Variants in THSD4 observed in about 807,000 individuals in gnomAD.
THSD4 encodes the protein thrombospondin type-1 domain-containing protein 4.
In THSD4, 69 loss-of-function variants were observed where a neutral mutation model predicts 119.0. That is an observed-to-expected ratio of 0.58 (90% CI 0.48 to 0.71). The LOEUF (loss-of-function observed/expected upper bound fraction) is 0.71, where lower values mean the gene tolerates loss of function less well. Among genes scored for constraint, THSD4 ranks in the 30% least tolerant of loss-of-function variants. The pLI is 0.00. For synonymous variants in THSD4, 524 were observed against 540.4 expected, an observed-to-expected ratio of 0.97 and a Z score of 0.42; for missense variants, 1,393 against 1,391.1, an observed-to-expected ratio of 1.00 and a Z score of -0.02.
At chr15:71,677,316 T>C (rs376150543) in intron 8 of THSD4, among the ~76,000 whole-genome samples, 5 of 152,216 alleles carry the variant, frequency 3.3e-5, no homozygotes, top group Non-Finnish European at 7.3e-5. Context: ...AAAGTGATCA[T>C]TGAGTATTTG....
chr15:71,529,202 C>T (rs1452457000), intron 7 of THSD4, among the ~76,000 whole-genome samples: 1 of 152,206 alleles, frequency 6.6e-6, no homozygotes, highest in Non-Finnish European at 1.5e-5. Flanking sequence ...GAGCTTTACC[C>T]TCCCTGCCCA....
intron 8 of THSD4, among the ~76,000 whole-genome samples, chr15:71,714,250 A>G (rs1214373649): frequency 1.3e-5 from 2 of 152,052 alleles, no homozygotes; most frequent in Non-Finnish European, 2.9e-5. Flanking sequence ...GAGGGCAAAG[A>G]TGTGCGGTGG....
intron 7 of THSD4, among the ~76,000 whole-genome samples, chr15:71,438,096 C>T (rs1362546849): frequency 2.6e-5 from 4 of 152,176 alleles, no homozygotes; most frequent in East Asian, 1.9e-4. Context: ...ACCTCCCCTA[C>T]CCACCCTGGT....
chr15:71,427,954 G>T (rs1033358465), intron 7 of THSD4, among the ~76,000 whole-genome samples: 4 of 152,182 alleles, frequency 2.6e-5, no homozygotes, highest in African/African-American at 9.7e-5. Context: ...CCAAGAGACA[G>T]AAGAGAGGTT....
At chr15:71,587,425 A>G (rs1433285989) in intron 7 of THSD4, among the ~76,000 whole-genome samples, 1 of 116,188 alleles carries the variant, frequency 8.6e-6, no homozygotes, top group Non-Finnish European at 1.9e-5. Flanking sequence ...CATATACACC[A>G]TGGAATACTA....
At chr15:71,280,596 TTCCC>T (rs921117414) in intron 6 of THSD4, among the ~76,000 whole-genome samples, 1 of 150,986 alleles carries the variant, frequency 6.6e-6, no homozygotes, top group South Asian at 2.1e-4. Flanking sequence ...CTTTTCCTCA[TTCCC>T]TCCCTCCCTC....
At chr15:71,672,280 C>T (rs2051547701) in intron 8 of THSD4, among the ~76,000 whole-genome samples, 1 of 152,152 alleles carries the variant, frequency 6.6e-6, no homozygotes, top group Non-Finnish European at 1.5e-5. Flanking sequence ...TGATTTGGCT[C>T]TCTGTTTGTC....
intron 7 of THSD4, among the ~76,000 whole-genome samples, chr15:71,629,699 C>A (rs1163403516): frequency 3.3e-5 from 5 of 152,176 alleles, no homozygotes; most frequent in African/African-American, 1.2e-4. Flanking sequence ...ACATCCCATA[C>A]CTACATTGTT....
intron 7 of THSD4, among the ~76,000 whole-genome samples, chr15:71,606,232 T>A (rs551641618): frequency 6.6e-6 from 1 of 152,368 alleles, no homozygotes; most frequent in East Asian, 1.9e-4. Context: ...TCTTCTTGGT[T>A]CTTGCGAAGA....
At chr15:71,713,521 ATGCTCG>A (rs2052553584) in intron 8 of THSD4, among the ~76,000 whole-genome samples, 1 of 152,196 alleles carries the variant, frequency 6.6e-6, no homozygotes, top group Non-Finnish European at 1.5e-5. Context: ...TATTGATGTC[ATGCTCG>A]AATGTCTTCC....
intron 1 of THSD4, among the ~76,000 whole-genome samples, chr15:71,137,203 G>A (rs764822934): frequency 1.3e-5 from 2 of 152,130 alleles, no homozygotes; most frequent in Admixed American, 6.5e-5. Flanking sequence ...ACAGAGCTCC[G>A]CAGACAGCAC....
At chr15:71,380,140 G>A (rs548038876) in intron 6 of THSD4, among the ~76,000 whole-genome samples, 1 of 152,126 alleles carries the variant, frequency 6.6e-6, no homozygotes, top group African/African-American at 2.4e-5. Context: ...TACGTACTAA[G>A]TTGGTTGCAG....
intron 7 of THSD4, among the ~76,000 whole-genome samples, chr15:71,506,599 G>A (rs1203598741): frequency 4.6e-5 from 7 of 152,208 alleles, no homozygotes; most frequent in Non-Finnish European, 8.8e-5. Flanking sequence ...TCAACACAAG[G>A]TTATAGAAAT....
At chr15:71,354,397 A>C (rs1435098846) in intron 6 of THSD4, among the ~76,000 whole-genome samples, 1 of 152,240 alleles carries the variant, frequency 6.6e-6, no homozygotes, top group African/African-American at 2.4e-5. Flanking sequence ...GTTAAGCAGC[A>C]GGGATCACAG....
intron 6 of THSD4, among the ~76,000 whole-genome samples, chr15:71,285,556 T>C (rs963613711): frequency 9.9e-5 from 15 of 152,138 alleles, no homozygotes; most frequent in African/African-American, 3.4e-4. Flanking sequence ...CCCCAACTTT[T>C]CTCTTTTATT....
At chr15:71,598,198 A>G (rs1354785380) in intron 7 of THSD4, among the ~76,000 whole-genome samples, 1 of 152,174 alleles carries the variant, frequency 6.6e-6, no homozygotes, top group African/African-American at 2.4e-5. Context: ...ACTGCTAAGA[A>G]TTGGTCAGGA....
At chr15:71,429,278 T>C (rs2046912817) in intron 7 of THSD4, among the ~76,000 whole-genome samples, 1 of 152,208 alleles carries the variant, frequency 6.6e-6, no homozygotes, top group Non-Finnish European at 1.5e-5. Context: ...AATTTGAGGA[T>C]AGTAAACGAT....
At position 71,781,844 on chromosome 15, in the gene THSD4, T is replaced by A. The variant is rs2054002931; in HGVS notation, c.*4470T>A. The A allele has an allele frequency of 3.3e-5, 5 of 152,314 alleles. No individual in the cohort carries two copies. In the South Asian group the frequency reaches 1.0e-3, roughly 32 times the overall value. The allele number at this position is 152,314 out of a possible 1,614,324, so 9.4% of individuals were successfully genotyped here. A position where few individuals can be genotyped will look rare whatever the true frequency, so the allele number is the denominator to read the frequency against. Reference sequence around the variant, plus strand: ...GCTCAGGGCCGTCTCCACTCAGGGCTTAGGGGAGTCTGTGAGTAGAAGAGC... The same window carrying A: ...GCTCAGGGCCGTCTCCACTCAGGGCATAGGGGAGTCTGTGAGTAGAAGAGC... On this transcript the variant is annotated 3_prime_UTR_variant, in exon 18 of 18. Coordinates refer to ENST00000261862, the MANE Select transcript of THSD4 (RefSeq NM_024817.3).
intron 3 of THSD4, among the ~76,000 whole-genome samples, chr15:71,191,310 C>T (rs1208651019): frequency 6.6e-6 from 1 of 152,120 alleles, no homozygotes; most frequent in Non-Finnish European, 1.5e-5. Context: ...ACCAAATTGG[C>T]CCTGTCTCTG....
Sources: gnomAD v4.1 joint callset for allele counts (sites outside exome capture counted in the v4.1 genomes callset) on GRCh38, gnomAD v4.1.1 for gene constraint, MANE v1.5 for transcripts, NCBI Gene and HGNC (gene_info 2026-07-23, HGNC 2026-07-21) for gene names.